The following KHDRBS2 variants were observed in gnomAD, a reference collection of about 807,000 sequenced individuals.
The protein encoded by KHDRBS2 is KH domain-containing, RNA-binding, signal transduction-associated protein 2.
Under a neutral mutation model 44.3 loss-of-function variants are expected in KHDRBS2, and 26 were observed. The observed-to-expected ratio is 0.59, with a 90% confidence interval of 0.43 to 0.81. KHDRBS2 has a LOEUF of 0.81. Ranked by LOEUF, KHDRBS2 falls within the 40% of genes least tolerant of loss-of-function variation. The pLI is 0.00. For synonymous variants in KHDRBS2, 194 were observed against 151.1 expected, an observed-to-expected ratio of 1.28 and a Z score of -2.08; for missense variants, 476 against 433.1, an observed-to-expected ratio of 1.10 and a Z score of -0.88.
chr6:62,240,672 G>GTATA (rs4036655), intron 1 of KHDRBS2, among the ~76,000 whole-genome samples: 1,015 of 64,010 alleles, frequency 0.016, 20 homozygotes, highest in Admixed American at 0.02. Context: ...ATGTGTGTGT[G>GTATA]TATATATATA....
intron 6 of KHDRBS2, among the ~76,000 whole-genome samples, chr6:61,804,034 C>T (rs1786723720): frequency 6.6e-6 from 1 of 152,022 alleles, no homozygotes; most frequent in African/African-American, 2.4e-5. Flanking sequence ...TTATGCCTTC[C>T]CAATAGCCCC....
chr6:61,997,365 T>C (rs979654985), intron 3 of KHDRBS2, among the ~76,000 whole-genome samples: 1 of 152,202 alleles, frequency 6.6e-6, no homozygotes, highest in Non-Finnish European at 1.5e-5. Flanking sequence ...TTATAGTCAA[T>C]GGAGACCTCT....
the KHDRBS2 span, among the ~76,000 whole-genome samples, chr6:61,579,359 A>G: frequency 6.6e-6 from 1 of 152,196 alleles, no homozygotes; most frequent in Non-Finnish European, 1.5e-5. Context: ...TGTGTGGTTG[A>G]AATAGAGATA....
At position 61,706,980 on chromosome 6, in the gene KHDRBS2, G is replaced by C. The variant is rs571625652; in HGVS notation, c.894-9727C>G. 3.4e-4 allele frequency among the ~76,000 whole-genome samples: 51 copies of C among 151,684 alleles called. No homozygotes were observed. In the Middle Eastern group the frequency reaches 0.01, roughly 30 times the overall value. On this transcript the variant is annotated intron_variant, in intron 7 of 8. Coordinates refer to ENST00000281156, the MANE Select transcript of KHDRBS2 (RefSeq NM_152688.4). ...AAAACAAAACAGTTATAAGTGCTAA[G>C]GAGAAAAGACTAAATCTGGAAGGGG...
chr6:61,865,243 T>C (rs1242533129), intron 6 of KHDRBS2, among the ~76,000 whole-genome samples: 6 of 152,194 alleles, frequency 3.9e-5, no homozygotes, highest in Middle Eastern at 3.2e-3. Context: ...AAGTTCATTT[T>C]TATTCACATT....
chr6:61,620,776 G>A, the KHDRBS2 span, among the ~76,000 whole-genome samples: 1 of 152,124 alleles, frequency 6.6e-6, no homozygotes, highest in South Asian at 2.1e-4. Flanking sequence ...CTTATAGCTG[G>A]GCTACTCCTG....
intron 2 of KHDRBS2, among the ~76,000 whole-genome samples, chr6:62,143,614 T>A (rs547068691): frequency 1.3e-5 from 2 of 152,114 alleles, no homozygotes; most frequent in East Asian, 3.9e-4. Context: ...TCCAGTTCCA[T>A]GCACTTTCTT....
chr6:62,029,843 T>C (rs7772911), intron 3 of KHDRBS2, among the ~76,000 whole-genome samples: 4,253 of 152,060 alleles, frequency 0.028, 196 homozygotes, highest in African/African-American at 0.094. Flanking sequence ...TCTATTAATA[T>C]TATATATAGA....
At chr6:61,593,509 C>A in the KHDRBS2 span, among the ~76,000 whole-genome samples, 1 of 148,892 alleles carries the variant, frequency 6.7e-6, no homozygotes, top group African/African-American at 2.5e-5. Context: ...GTTTTTCTCT[C>A]CTTAGTCTCT....
intron 1 of KHDRBS2, among the ~76,000 whole-genome samples, chr6:62,196,152 T>C (rs1465997381): frequency 6.6e-6 from 1 of 152,152 alleles, no homozygotes; most frequent in Non-Finnish European, 1.5e-5. Context: ...GAATTTGAAA[T>C]CCCTGTATAG....
At chr6:61,594,786 G>A in the KHDRBS2 span, among the ~76,000 whole-genome samples, 1 of 152,020 alleles carries the variant, frequency 6.6e-6, no homozygotes, top group Admixed American at 6.6e-5. Context: ...ACATCCCAAA[G>A]TAAGTTTGAG....
At chr6:62,170,805 G>A (rs1048032548) in intron 2 of KHDRBS2, among the ~76,000 whole-genome samples, 3 of 152,074 alleles carry the variant, frequency 2.0e-5, no homozygotes, top group Admixed American at 6.6e-5. Flanking sequence ...TGGGGACCTG[G>A]GTACCAGCCC....
At chr6:62,188,389 G>C (rs1363804445) in intron 1 of KHDRBS2, among the ~76,000 whole-genome samples, 1 of 152,086 alleles carries the variant, frequency 6.6e-6, no homozygotes, top group Non-Finnish European at 1.5e-5. Flanking sequence ...TCAGATGTAA[G>C]TGGAATCATG....
intron 4 of KHDRBS2, among the ~76,000 whole-genome samples, chr6:61,911,555 T>TTTAAA (rs1373918041): frequency 6.6e-6 from 1 of 152,226 alleles, no homozygotes; most frequent in Non-Finnish European, 1.5e-5. Flanking sequence ...GTTTAAAATA[T>TTTAAA]TTAAATTATT....
At chr6:62,140,925 G>A (rs1438191616) in intron 2 of KHDRBS2, among the ~76,000 whole-genome samples, 2 of 152,170 alleles carry the variant, frequency 1.3e-5, no homozygotes, top group East Asian at 3.8e-4. Context: ...TTCTATTGGT[G>A]TTCACAATTA....
chr6:61,628,050 T>C, the KHDRBS2 span, among the ~76,000 whole-genome samples: 1 of 151,946 alleles, frequency 6.6e-6, no homozygotes, highest in Non-Finnish European at 1.5e-5. Flanking sequence ...CTGCATTGCA[T>C]ATTCTTTAGA....
chr6:62,229,148 C>T (rs1832444313), intron 1 of KHDRBS2, among the ~76,000 whole-genome samples: 1 of 152,078 alleles, frequency 6.6e-6, no homozygotes, highest in Non-Finnish European at 1.5e-5. Context: ...TGGTCACCCC[C>T]TTCCCTAGGG....
At chr6:62,085,355 G>T (rs939394386) in intron 2 of KHDRBS2, among the ~76,000 whole-genome samples, 5 of 151,996 alleles carry the variant, frequency 3.3e-5, no homozygotes, top group African/African-American at 1.2e-4. Flanking sequence ...AAAAGCATAG[G>T]AAATAAGGCT....
chr6:61,908,633 C>CAAAAAAAAAAAAAAAAAAAAAAA (rs11290284), intron 4 of KHDRBS2, among the ~76,000 whole-genome samples: 1 of 110,636 alleles, frequency 9.0e-6, no homozygotes, highest in Non-Finnish European at 1.9e-5. Context: ...GATTCCGTCT[C>CAAAAAAAAAAAAAAAAAAAAAAA]AAAAAAAAAA....
Sources: gnomAD v4.1 joint callset for allele counts (sites outside exome capture counted in the v4.1 genomes callset) on GRCh38, gnomAD v4.1.1 for gene constraint, MANE v1.5 for transcripts, NCBI Gene and HGNC (gene_info 2026-07-23, HGNC 2026-07-21) for gene names.